Variants in IDE observed in about 807,000 individuals in gnomAD.
IDE encodes the protein insulin degrading enzyme, also known as insulin-degrading enzyme.
IDE carries 58 observed loss-of-function variants against 133.2 expected under a neutral mutation model. The ratio of observed to expected loss-of-function variants is 0.44; its 90% CI spans 0.35 to 0.54. The LOEUF is 0.54. Among genes scored for constraint, IDE ranks in the 20% least tolerant of loss-of-function variants. The pLI is 0.00. For missense variants in IDE, 981 were observed against 1,234.0 expected (o/e 0.79, Z 3.07); for synonymous variants, 396 against 421.3 (o/e 0.94, Z 0.73).
intron 20 of IDE, among the ~76,000 whole-genome samples, chr10:92,464,965 C>T (rs1264534913): frequency 3.9e-5 from 6 of 152,150 alleles, no homozygotes; most frequent in Admixed American, 2.0e-4. Context: ...CCACCGTGCC[C>T]GGCCAATAGT....
In IDE at chr10:92,574,076, G is replaced by T; in HGVS notation, c.-57C>A. 7.2e-7 allele frequency: 1 copy of T among 1,382,628 alleles called. No homozygotes were observed. Among genetic ancestry groups the T allele is most frequent in the Non-Finnish European group, 9.7e-7 (1 of 1,033,198 alleles). 85.6% of individuals were successfully genotyped at this position (1,382,628 alleles called of 1,614,324 possible). On this transcript the variant is annotated 5_prime_UTR_variant, in exon 1 of 25. Transcript: ENST00000265986. Reference sequence around the variant, plus strand: ...CGCTTCCTGCTTGCGCTTCGAGCCGGCCCTGCGCACTGCGCATGCTCTAGC... The same window carrying T: ...CGCTTCCTGCTTGCGCTTCGAGCCGTCCCTGCGCACTGCGCATGCTCTAGC...
At chr10:92,478,877 C>A (rs1846433480) in intron 15 of IDE, 1 of 565,070 alleles carries the variant, frequency 1.8e-6, no homozygotes, top group Non-Finnish European at 2.4e-6. Flanking sequence ...TATGGATATG[C>A]AGCCTCATGA....
chr10:92,573,813 T>G, intron 1 of IDE, 109 bp downstream of exon 1: 3 of 754,684 alleles, frequency 4.0e-6, no homozygotes, highest in Non-Finnish European at 5.9e-6. Flanking sequence ...ACGGGCGGCG[T>G]GAGGGGCAGC....
chr10:92,547,722 T>G (rs1842592168), intron 1 of IDE, among the ~76,000 whole-genome samples: 2 of 152,140 alleles, frequency 1.3e-5, no homozygotes, highest in Non-Finnish European at 2.9e-5. Context: ...TCTGCCCAAC[T>G]CAGAGAATGC....
rs1216442537 is a variant in IDE at position 92,534,754 on chromosome 10, G to C, written c.315C>G (p.Gly105=). 1 of 1,613,628 alleles carries C rather than the reference G, an allele frequency of 6.2e-7. No individual in the cohort carries two copies. The highest frequency in any genetic ancestry group is 8.5e-7 in the Non-Finnish European group (1 of 1,179,856). Residue 105 remains glycine, a synonymous_variant, in exon 3 of 25, where the codon GGC becomes GGG. Coordinates refer to ENST00000265986, the MANE Select transcript of IDE (RefSeq NM_004969.4). ...GSLSDPPNIA[G]LSHFCEHMLF... The stretch of plus-strand genomic sequence containing the variant: ...GCATATGTTCACAAAAATGACTTAA[G>C]CCAGCAATATTTGGAGGATCCGACA...
At chr10:92,515,079 A>G in intron 4 of IDE, 37 bp from the exon 5 acceptor site, 1 of 1,541,736 alleles carries the variant, frequency 6.5e-7, no homozygotes, top group South Asian at 1.2e-5. Flanking sequence ...AGAAAAAGCA[A>G]AATATGTGGA....
chr10:92,521,134 G>A (rs961066266), intron 4 of IDE, among the ~76,000 whole-genome samples: 1 of 152,114 alleles, frequency 6.6e-6, no homozygotes, highest in Non-Finnish European at 1.5e-5. Flanking sequence ...TTTTACAGCA[G>A]TACTCAAGTT....
chr10:92,514,092 A>G (rs1848774217), intron 5 of IDE, among the ~76,000 whole-genome samples: 1 of 152,212 alleles, frequency 6.6e-6, no homozygotes, highest in Admixed American at 6.5e-5. Context: ...ACATCCTTTT[A>G]TATCTCCTAT....
intron 3 of IDE, among the ~76,000 whole-genome samples, chr10:92,532,494 T>C (rs1654449876): frequency 1.3e-5 from 2 of 152,248 alleles, no homozygotes; most frequent in African/African-American, 2.4e-5. Context: ...AGGTATGACA[T>C]AGTTTGACTA....
At position 92,479,525 on chromosome 10, in the gene IDE, C is replaced by A. The variant is rs1419234124; in HGVS notation, c.1740-104G>T. On this transcript the variant is annotated intron_variant, in intron 14 of 24. Coordinates refer to ENST00000265986, the MANE Select transcript of IDE (RefSeq NM_004969.4). ...TATTGAACACCGGTTAATATGATTTCCTGAGGATATGGTTGAATTCTTGAG... is the reference window on the plus strand; with the variant it reads ...TATTGAACACCGGTTAATATGATTTACTGAGGATATGGTTGAATTCTTGAG... 4.7e-6 allele frequency: 4 copies of A among 845,206 alleles called. No homozygotes were observed. In the Admixed American group the frequency reaches 9.0e-5, roughly 19 times the overall value. The allele number at this position is 845,206 out of a possible 1,614,324, so 52.4% of individuals were successfully genotyped here. A position where few individuals can be genotyped will look rare whatever the true frequency, so the allele number is the denominator to read the frequency against.
At chr10:92,507,762 G>T in intron 8 of IDE, 96 bp from the exon 9 acceptor site, 1 of 759,248 alleles carries the variant, frequency 1.3e-6, no homozygotes, top group Non-Finnish European at 2.4e-6. Flanking sequence ...GTGGAAGATG[G>T]TCCCTCTTAG....
rs1300963458 is a variant in IDE, at chr10:92,474,857, T to C, written c.2100A>G (p.Leu700=). The part of the protein sequence containing the change: ...MTEVAWTKDE[L]KEALDDVTLP... Reference sequence around the variant, plus strand: ...AAGTCTCACCATCCAGAGCTTCTTTTAACTCATCTTTAGTCCAGGCCACTT... The same window carrying C: ...AAGTCTCACCATCCAGAGCTTCTTTCAACTCATCTTTAGTCCAGGCCACTT... Residue 700 remains leucine (L), a synonymous_variant, in exon 17 of 25, where the codon TTA becomes TTG. Coordinates refer to ENST00000265986, the MANE Select transcript of IDE (RefSeq NM_004969.4). The C allele has an allele frequency of 6.2e-7, 1 of 1,612,850 alleles. No homozygotes were observed. Among genetic ancestry groups the C allele is most frequent in the Non-Finnish European group, 8.5e-7 (1 of 1,179,592 alleles).
intron 3 of IDE, among the ~76,000 whole-genome samples, chr10:92,532,283 G>GAGAA (rs1158667832): frequency 7.0e-6 from 1 of 143,218 alleles, no homozygotes. Context: ...AAAAAAAAAA[G>GAGAA]AGAAAGAAAG....
chr10:92,494,466 G>A (rs1277210879), intron 11 of IDE, among the ~76,000 whole-genome samples: 2 of 151,740 alleles, frequency 1.3e-5, no homozygotes, highest in Admixed American at 1.3e-4. Context: ...AACAGGCCAG[G>A]CACAGTGGCT....
intron 13 of IDE, among the ~76,000 whole-genome samples, chr10:92,485,125 C>CTTTTTTTTTTTTTTT (rs34615998): frequency 5.0e-5 from 5 of 100,860 alleles, no homozygotes; most frequent in African/African-American, 7.8e-5. Context: ...TTCTTTCTTT[C>CTTTTTTTTTTTTTTT]TTTTTTTTTT....
At chr10:92,504,507 A>G (rs891433059) in intron 11 of IDE, among the ~76,000 whole-genome samples, 2 of 152,146 alleles carry the variant, frequency 1.3e-5, no homozygotes, top group African/African-American at 2.4e-5. Context: ...TTTATTTATG[A>G]TAATAAAATT....
At chr10:92,559,735 ATAT>A (rs1228143200) in intron 1 of IDE, among the ~76,000 whole-genome samples, 2 of 129,468 alleles carry the variant, frequency 1.5e-5, no homozygotes, top group Admixed American at 8.7e-5. Flanking sequence ...CATGAATGGT[ATAT>A]TTTTTTTTTT....
intron 11 of IDE, 102 bp from the exon 12 acceptor site, chr10:92,490,697 T>C: frequency 1.4e-6 from 1 of 733,266 alleles, no homozygotes; most frequent in Non-Finnish European, 2.3e-6. Context: ...TCCAAGAATG[T>C]GCTGGGCCTC....
chr10:92,483,437 T>C (rs1846742425), intron 13 of IDE, 100 bp from the exon 14 acceptor site: 19 of 689,026 alleles, frequency 2.8e-5, no homozygotes, highest in Non-Finnish European at 4.9e-5. Flanking sequence ...AAGCAATAGT[T>C]AGAGTTTTGT....
Sources: gnomAD v4.1 joint callset for allele counts (sites outside exome capture counted in the v4.1 genomes callset) on GRCh38, gnomAD v4.1.1 for gene constraint, MANE v1.5 for transcripts, NCBI Gene and HGNC (gene_info 2026-07-23, HGNC 2026-07-21) for gene names.